The following RNF130 variants were observed in gnomAD, a reference collection of about 807,000 sequenced individuals.
RNF130 encodes ring finger protein 130.
A neutral mutation model predicts 44.6 loss-of-function variants in RNF130; 21 were observed. The observed-to-expected ratio is 0.47, with a 90% confidence interval of 0.33 to 0.68. RNF130 has a LOEUF of 0.68. Ranked by LOEUF, RNF130 falls within the 30% of genes least tolerant of loss-of-function variation. The pLI is 0.02. For missense variants in RNF130, 479 were observed against 560.6 expected, an observed-to-expected ratio of 0.85 and a Z score of 1.47; for synonymous variants, 214 against 210.4, an observed-to-expected ratio of 1.02 and a Z score of -0.15.
At chr5:179,993,381 A>G (rs1763134445) in intron 3 of RNF130, among the ~76,000 whole-genome samples, 1 of 152,142 alleles carries the variant, frequency 6.6e-6, no homozygotes, top group Admixed American at 6.5e-5. Context: ...CCTCTCCAGC[A>G]CCTGTTGTTT....
intron 5 of RNF130, among the ~76,000 whole-genome samples, chr5:179,972,452 G>A (rs1195837422): frequency 6.6e-6 from 1 of 152,240 alleles, no homozygotes; most frequent in African/African-American, 2.4e-5. Flanking sequence ...TGACTGACAG[G>A]TAATGGAAGA....
At chr5:179,999,733 A>G (rs1291377345) in intron 3 of RNF130, among the ~76,000 whole-genome samples, 2 of 152,130 alleles carry the variant, frequency 1.3e-5, no homozygotes, top group African/African-American at 2.4e-5. Context: ...AGGAAAAAAG[A>G]AAAAAAAGAA....
intron 7 of RNF130, among the ~76,000 whole-genome samples, chr5:179,946,558 T>TC (rs1451687418): frequency 6.6e-6 from 1 of 151,724 alleles, no homozygotes; most frequent in East Asian, 1.9e-4. Flanking sequence ...CCGGGGATTT[T>TC]TTTTTTTTTT....
Position 179,966,999 on chromosome 5 carries a change from T to G in RNF130, c.957A>C (p.Pro319=). ...LKALGIVPNL[P]CTDNVAFDME... ...TATCGAATGCTACGTTATCAGTACA[T>G]GGCAAATTCGGCTGCAAAATATTTC... Residue 319 remains proline (P), a synonymous_variant, in exon 7 of 9, where the codon CCA becomes CCC. Coordinates refer to ENST00000521389, the MANE Select transcript of RNF130 (RefSeq NM_018434.6). 1 of 1,612,320 alleles carries G rather than the reference T, an allele frequency of 6.2e-7. No homozygotes were observed. Among genetic ancestry groups the G allele is most frequent in the East Asian group, 2.2e-5 (1 of 44,878 alleles).
In RNF130 at chr5:180,043,755, C is replaced by T. The variant is rs551077541; in HGVS notation, c.248-3108G>A. 7.4e-4 allele frequency among the ~76,000 whole-genome samples: 112 copies of T among 152,044 alleles called. 2 individuals carry two copies. Among genetic ancestry groups the T allele is most frequent in the East Asian group, 1.9e-4 (1 of 5,168 alleles). On this transcript the variant is annotated intron_variant, in intron 1 of 8. Coordinates refer to ENST00000521389, the MANE Select transcript of RNF130 (RefSeq NM_018434.6). ...AGCATGATCAAAACAAATCCAACAA[C>T]GGCCTGTATAAGCAAAAGAATGTTC...
rs1313999784 is a variant in RNF130 at position 179,977,968 on chromosome 5, G to A, written c.848+235C>T. Among the ~76,000 whole-genome samples, 1 of 152,248 alleles carries A rather than the reference G, an allele frequency of 6.6e-6. No homozygotes were observed. Among genetic ancestry groups the A allele is most frequent in the Non-Finnish European group, 1.5e-5 (1 of 68,036 alleles). On this transcript the variant is annotated intron_variant, in intron 5 of 8. Coordinates refer to ENST00000521389, the MANE Select transcript of RNF130 (RefSeq NM_018434.6). The surrounding 1 kb of genome is among the most constrained non-coding windows in gnomAD (Gnocchi z 4.1). ...TAGGCTGTGTCTGGGGAGTCTGGAGGCCGCGTGCCACATCGCATATTGGCT... is the reference window on the plus strand; with the variant it reads ...TAGGCTGTGTCTGGGGAGTCTGGAGACCGCGTGCCACATCGCATATTGGCT...
chr5:180,063,065 T>C (rs575623020), intron 1 of RNF130, among the ~76,000 whole-genome samples: 48 of 152,238 alleles, frequency 3.2e-4, no homozygotes, highest in African/African-American at 1.1e-3. Context: ...CTAGACCAGG[T>C]AGTGAACACC....
exon 8 of RNF130, chr5:179,920,039 G>A (rs1332125398): frequency 2.6e-5 from 10 of 390,448 alleles, no homozygotes; most frequent in East Asian, 1.2e-4. Flanking sequence ...TCCTGGGCCC[G>A]GCCTCTTCTC....
At chr5:180,051,802 A>C (rs1410858638) in intron 1 of RNF130, among the ~76,000 whole-genome samples, 1 of 152,230 alleles carries the variant, frequency 6.6e-6, no homozygotes, top group Middle Eastern at 3.2e-3. Context: ...GAGTAAGTTT[A>C]AATGACGGCT....
chr5:180,022,347 C>G (rs1763893037), intron 2 of RNF130, among the ~76,000 whole-genome samples: 1 of 152,124 alleles, frequency 6.6e-6, no homozygotes, highest in Non-Finnish European at 1.5e-5. Flanking sequence ...CTATTTTATT[C>G]AATCAGTTGA....
chr5:179,974,895 CGG>C (rs953036269), intron 5 of RNF130, among the ~76,000 whole-genome samples: 4 of 152,216 alleles, frequency 2.6e-5, no homozygotes, highest in African/African-American at 9.6e-5. Flanking sequence ...CCTGCGCACC[CGG>C]GTCAGCACGC....
At chr5:180,015,479 GGGAAAGGAGT>G (rs1763696962) in intron 2 of RNF130, 1 of 321,184 alleles carries the variant, frequency 3.1e-6, no homozygotes, top group African/African-American at 3.8e-5. Flanking sequence ...GAAAGGAGTA[GGGAAAGGAGT>G]AGGAAAGGAG....
chr5:179,977,923 AT>A lies in RNF130; in HGVS notation c.848+279del, dbSNP rs1762752251. 2.0e-5 allele frequency among the ~76,000 whole-genome samples: 3 copies of A among 152,226 alleles called. No individual in the cohort carries two copies. On this transcript the variant is annotated intron_variant, in intron 5 of 8. Coordinates refer to ENST00000521389, the MANE Select transcript of RNF130 (RefSeq NM_018434.6). This position sits in a 1 kb window ranked among gnomAD's most constrained non-coding sequence, Gnocchi z 4.1. ...AGATAAACGAAACCATAGAACAAGA[AT>A]TCTCGACCTCAACACTCCTAGGCTG...
At chr5:180,024,391 C>T (rs1243071369) in intron 2 of RNF130, among the ~76,000 whole-genome samples, 1 of 152,162 alleles carries the variant, frequency 6.6e-6, no homozygotes, top group East Asian at 1.9e-4. Flanking sequence ...GGTTTGCAGA[C>T]ATTCTTTGTA....
chr5:179,946,846 G>A (rs949192176), intron 7 of RNF130, among the ~76,000 whole-genome samples: 3 of 152,112 alleles, frequency 2.0e-5, no homozygotes, highest in Non-Finnish European at 2.9e-5. Context: ...CAGCCACCGC[G>A]CCCAGCACCA....
intron 7 of RNF130, among the ~76,000 whole-genome samples, chr5:179,949,905 G>A (rs1173596107): frequency 2.0e-5 from 3 of 152,172 alleles, no homozygotes; most frequent in African/African-American, 7.2e-5. Context: ...CTAGCCTCAC[G>A]TGGAAAATGG....
chr5:179,980,171 G>A lies in RNF130; in HGVS notation c.723C>T (p.Ala241=). The A allele has an allele frequency of 1.9e-6, 3 of 1,614,064 alleles. No homozygotes were observed. The highest frequency in any genetic ancestry group is 2.5e-6 in the Non-Finnish European group (3 of 1,179,986). The change falls in exon 4 of 9, where the codon GCC becomes GCT. Residue 241 remains alanine, a synonymous_variant. Transcript: ENST00000521389. ...QRRLGDAAKK[A]ISKLTTRTVK... ...CTGTCCTGGTTGTCAATTTACTGAT[G>A]GCTTTCTTGGCTGCATCTCCGAGAC...
chr5:179,923,380 T>G (rs1345512883), intron 7 of RNF130, among the ~76,000 whole-genome samples: 2 of 152,256 alleles, frequency 1.3e-5, no homozygotes, highest in Admixed American at 6.5e-5. Context: ...TGGGCACTAT[T>G]CTGTTCTAGC....
intron 2 of RNF130, among the ~76,000 whole-genome samples, chr5:180,036,037 A>G (rs1339490235): frequency 6.6e-6 from 1 of 152,188 alleles, no homozygotes; most frequent in Non-Finnish European, 1.5e-5. Context: ...GACAGTTTCT[A>G]TAGACTTTTG....
Sources: gnomAD v4.1 joint callset for allele counts (sites outside exome capture counted in the v4.1 genomes callset) on GRCh38, gnomAD v4.1.1 for gene constraint, Gnocchi (gnomAD v3.1) non-coding constraint, MANE v1.5 for transcripts, NCBI Gene and HGNC (gene_info 2026-07-23, HGNC 2026-07-21) for gene names.